NPAS2: variants seen among roughly 807,000 people sequenced by gnomAD.
NPAS2 encodes the protein neuronal PAS domain-containing protein 2.
NPAS2 carries 23 observed loss-of-function variants against 107.5 expected under a neutral mutation model. That is an observed-to-expected ratio of 0.21 (90% CI 0.15 to 0.30). NPAS2 has a LOEUF of 0.30. Ranked by LOEUF, NPAS2 falls within the 10% of genes least tolerant of loss-of-function variation. The pLI, the probability that NPAS2 is intolerant of heterozygous loss-of-function variation, is 1.00. For missense variants in NPAS2, 756 were observed against 1,043.3 expected (o/e 0.72, Z 3.79); for synonymous variants, 403 against 417.5 (o/e 0.97, Z 0.42).
chr2:100,958,488 C>A (rs560777669), intron 7 of NPAS2, among the ~76,000 whole-genome samples: 93 of 152,266 alleles, frequency 6.1e-4, no homozygotes, highest in Middle Eastern at 6.8e-3. Context: ...CAGAGTGTCC[C>A]CTCCACCCAG....
chr2:100,880,025 G>C (rs894099665), intron 1 of NPAS2, among the ~76,000 whole-genome samples: 1 of 152,042 alleles, frequency 6.6e-6, no homozygotes. Context: ...GGGGACCTCT[G>C]GGGGGGACAA....
intron 1 of NPAS2, among the ~76,000 whole-genome samples, chr2:100,833,778 A>G (rs1676887144): frequency 6.6e-6 from 1 of 152,030 alleles, no homozygotes; most frequent in Non-Finnish European, 1.5e-5. Context: ...GACATGTGCT[A>G]CTTCATGTGG....
At chr2:100,952,334 T>C (rs1239361092) in intron 7 of NPAS2, among the ~76,000 whole-genome samples, 1 of 151,750 alleles carries the variant, frequency 6.6e-6, no homozygotes, top group Non-Finnish European at 1.5e-5. Flanking sequence ...TGCACACACT[T>C]CGGGCAGATC....
intron 7 of NPAS2, among the ~76,000 whole-genome samples, chr2:100,963,647 C>T (rs934277190): frequency 2.0e-5 from 3 of 152,146 alleles, no homozygotes; most frequent in African/African-American, 7.2e-5. Flanking sequence ...AACTTCTGGC[C>T]TCAAGTGATC....
intron 1 of NPAS2, among the ~76,000 whole-genome samples, chr2:100,832,330 C>G (rs1049871665): frequency 2.0e-5 from 3 of 152,172 alleles, no homozygotes; most frequent in Non-Finnish European, 1.5e-5. Context: ...TCCTTGTCCC[C>G]TGATTTCTGT....
rs1159238384 is a variant in NPAS2, at chr2:100,925,294, G to A, written c.181G>A (p.Glu61Lys). 6.2e-7 allele frequency: 1 copy of A among 1,613,812 alleles called. No individual in the cohort carries two copies. The highest frequency in any genetic ancestry group is 1.7e-5 in the Admixed American group (1 of 59,988). The change falls in exon 3 of 21, where the codon GAA becomes AAA. Residue 61 changes from glutamate (E) to lysine (K), a missense_variant and splice_region_variant. Glu to Lys is a moderately conservative substitution (Grantham distance 56). Transcript: ENST00000335681. ...KVIGFLQKHNEVSAQTEICDI... is the reference protein window; with the variant it reads ...KVIGFLQKHNKVSAQTEICDI... ...CATCGGATTTTTGCAGAAACACAAT[G>A]GTAAAGGTCACCCTTCTCTCTGTTT...
At chr2:100,872,576 T>G (rs1454524238) in intron 1 of NPAS2, among the ~76,000 whole-genome samples, 5 of 152,168 alleles carry the variant, frequency 3.3e-5, no homozygotes, top group Non-Finnish European at 7.3e-5. Flanking sequence ...TAGATACCAT[T>G]TTCTGGGGTT....
intron 1 of NPAS2, among the ~76,000 whole-genome samples, chr2:100,897,187 C>G (rs914154020): frequency 2.6e-5 from 4 of 152,142 alleles, no homozygotes; most frequent in Admixed American, 1.3e-4. Context: ...TACCTCCCAC[C>G]TGGTCCCTCC....
chr2:100,895,604 C>T (rs994563832), intron 1 of NPAS2, among the ~76,000 whole-genome samples: 3 of 152,182 alleles, frequency 2.0e-5, no homozygotes, highest in African/African-American at 7.2e-5. Context: ...TTAGGAGTTC[C>T]AGCCCTCCTC....
chr2:100,960,833 G>A (rs1208971734), intron 7 of NPAS2, among the ~76,000 whole-genome samples: 1 of 152,178 alleles, frequency 6.6e-6, no homozygotes, highest in South Asian at 2.1e-4. Context: ...TTGGAGATGA[G>A]CCGGGCCATC....
At chr2:100,977,825 A>T in intron 15 of NPAS2, 26 bp downstream of exon 15, 1 of 1,599,276 alleles carries the variant, frequency 6.3e-7, no homozygotes, top group Non-Finnish European at 8.6e-7. Context: ...AGGAAAGGGC[A>T]GCCCCTCTCA....
intron 2 of NPAS2, among the ~76,000 whole-genome samples, chr2:100,915,448 G>C (rs1048313122): frequency 1.3e-5 from 2 of 152,146 alleles, no homozygotes; most frequent in African/African-American, 2.4e-5. Context: ...CTATAAAGCT[G>C]GTTGTGAGTT....
chr2:100,864,653 C>T (rs1003109095), intron 1 of NPAS2, among the ~76,000 whole-genome samples: 1 of 152,176 alleles, frequency 6.6e-6, no homozygotes, highest in Admixed American at 6.5e-5. Context: ...ACAACACCCC[C>T]TTAGTCTTTA....
At chr2:100,889,034 G>A (rs1474375911) in intron 1 of NPAS2, among the ~76,000 whole-genome samples, 2 of 152,160 alleles carry the variant, frequency 1.3e-5, no homozygotes, top group East Asian at 1.9e-4. Flanking sequence ...GTAAGGAGAG[G>A]GATCTAAAAC....
intron 20 of NPAS2, chr2:100,994,504 CA>C (rs1182359349): frequency 1.3e-5 from 2 of 152,268 alleles, no homozygotes; most frequent in Admixed American, 6.5e-5. Flanking sequence ...CTGTTGCAGA[CA>C]AGATGCAGGC....
chr2:100,862,136 C>T (rs183699561), intron 1 of NPAS2, among the ~76,000 whole-genome samples: 1 of 152,174 alleles, frequency 6.6e-6, no homozygotes, highest in East Asian at 1.9e-4. Context: ...TTCTCACAAC[C>T]TATCGGATGG....
At chr2:100,824,432 T>G (rs914334574) in intron 1 of NPAS2, among the ~76,000 whole-genome samples, 1 of 152,226 alleles carries the variant, frequency 6.6e-6, no homozygotes, top group African/African-American at 2.4e-5. Context: ...AGACTGCTAG[T>G]GGCAATCAAG....
intron 7 of NPAS2, among the ~76,000 whole-genome samples, chr2:100,958,055 T>C (rs548711282): frequency 4.6e-5 from 7 of 152,336 alleles, no homozygotes; most frequent in African/African-American, 1.4e-4. Context: ...TGGATGTAGA[T>C]GTGTGTCTGA....
Position 100,968,556 on chromosome 2 carries a change from G to A in NPAS2, c.1055+128G>A. ...AGGTGTTCCCCATTTCGAAGATGAAGCCCAGGCCATCCCCTGCCGTTAACA... is the reference window on the plus strand; with the variant it reads ...AGGTGTTCCCCATTTCGAAGATGAAACCCAGGCCATCCCCTGCCGTTAACA... On this transcript the variant is annotated intron_variant, in intron 11 of 20. Coordinates refer to ENST00000335681, the MANE Select transcript of NPAS2 (RefSeq NM_002518.4). This position sits in a 1 kb window ranked among gnomAD's most constrained non-coding sequence, Gnocchi z 5.3. 2 of 869,182 alleles carry A rather than the reference G, an allele frequency of 2.3e-6. No individual in the cohort carries two copies. Among genetic ancestry groups the A allele is most frequent in the South Asian group, 3.4e-5 (2 of 58,486 alleles). The allele number at this position is 869,182 out of a possible 1,614,324, so 53.8% of individuals were successfully genotyped here.
Sources: allele counts gnomAD v4.1 joint callset (sites outside exome capture counted in the v4.1 genomes callset), GRCh38; gene constraint gnomAD v4.1.1; non-coding constraint Gnocchi (gnomAD v3.1); transcripts MANE v1.5; gene names NCBI Gene and HGNC (gene_info 2026-07-23, HGNC 2026-07-21).